FMO4: variants seen among roughly 807,000 people sequenced by gnomAD.
FMO4 encodes flavin containing dimethylaniline monoxygenase 4.
A neutral mutation model predicts 43.3 loss-of-function variants in FMO4; 38 were observed. The ratio of observed to expected loss-of-function variants is 0.88; its 90% confidence interval spans 0.68 to 1.15. The LOEUF is 1.15. FMO4 is among the 50% of genes most tolerant of loss of function. FMO4 has a pLI of 0.00. For synonymous variants in FMO4, 224 were observed against 232.2 expected (o/e 0.96, Z 0.32); for missense variants, 631 against 663.3 (o/e 0.95, Z 0.54).
chr1:171,316,502 G>T (rs1273055436), intron 2 of FMO4, among the ~76,000 whole-genome samples, 175 bp downstream of exon 2: 3 of 152,130 alleles, frequency 2.0e-5, no homozygotes, highest in African/African-American at 7.2e-5. Flanking sequence ...TTTTTAAAAT[G>T]CAAACAATCC....
At chr1:171,335,761 G>A (rs1050462343) in intron 8 of FMO4, among the ~76,000 whole-genome samples, 3 of 152,048 alleles carry the variant, frequency 2.0e-5, no homozygotes, top group African/African-American at 7.2e-5. Flanking sequence ...GGGAAAGAAG[G>A]CAGTTAGAAA....
chr1:171,332,576 C>T (rs1235164473), intron 6 of FMO4, 133 bp from the exon 7 acceptor site: 23 of 660,556 alleles, frequency 3.5e-5, no homozygotes, highest in Non-Finnish European at 5.8e-5. Flanking sequence ...CGTATGTAGA[C>T]CTATGTACAA....
At chr1:171,332,388 A>G (rs943420263) in intron 6 of FMO4, among the ~76,000 whole-genome samples, 17 of 152,208 alleles carry the variant, frequency 1.1e-4, no homozygotes, top group African/African-American at 4.1e-4. Context: ...TTGCTTTTCC[A>G]TACCTTCACT....
intron 3 of FMO4, among the ~76,000 whole-genome samples, chr1:171,322,196 T>C (rs974177068): frequency 6.6e-6 from 1 of 152,074 alleles, no homozygotes; most frequent in Non-Finnish European, 1.5e-5. Flanking sequence ...GTTTTTAAAA[T>C]TAGAGTATTT....
At chr1:171,322,420 G>C (rs1662473495) in intron 3 of FMO4, among the ~76,000 whole-genome samples, 1 of 152,182 alleles carries the variant, frequency 6.6e-6, no homozygotes, top group Non-Finnish European at 1.5e-5. Context: ...GACAATGTTA[G>C]TCTTGGAGAG....
intron 5 of FMO4, among the ~76,000 whole-genome samples, chr1:171,325,789 C>T (rs952230669): frequency 1.6e-5 from 2 of 126,362 alleles, no homozygotes; most frequent in Non-Finnish European, 3.2e-5. Context: ...CTTTATTCCA[C>T]ACTAAATTCA....
At chr1:171,321,420 A>C (rs1662418749) in intron 3 of FMO4, among the ~76,000 whole-genome samples, 1 of 152,168 alleles carries the variant, frequency 6.6e-6, no homozygotes. Flanking sequence ...AGAAAATGGC[A>C]TAATATTTGC....
chr1:171,334,639 C>CAAAG lies in FMO4; in HGVS notation c.1058_1059insAGAA (p.Gln354GlufsTer22). On this transcript the variant is annotated frameshift_variant, in exon 8 of 10. Transcript: ENST00000367749. LOFTEE classifies it high-confidence loss of function. ...TCTGTACAAAGAAGATATTTCTATA[C>CAAAG]AAGCAAGTCTTTCCCTTAAACCTAG... The CAAAG allele has an allele frequency of 6.2e-7, 1 of 1,613,142 alleles. No homozygotes were observed. Among genetic ancestry groups the CAAAG allele is most frequent in the East Asian group, 2.2e-5 (1 of 44,852 alleles).
At chr1:171,314,865 A>G (rs1662131129) in intron 1 of FMO4, among the ~76,000 whole-genome samples, 1 of 152,204 alleles carries the variant, frequency 6.6e-6, no homozygotes, top group Non-Finnish European at 1.5e-5. Context: ...ATGATTTGCA[A>G]ATCACCCAAG....
rs748800692 is a variant in FMO4 at position 171,341,661 on chromosome 1, G to A, written c.1499G>A (p.Arg500Gln). The A allele has an allele frequency of 1.4e-5, 23 of 1,613,748 alleles. No homozygotes were observed. The highest frequency in any genetic ancestry group is 4.5e-5 in the East Asian group (2 of 44,842). The change falls in exon 10 of 10, where the codon CGA becomes CAA. Residue 500 changes from arginine to glutamine, a missense_variant. Transcript: ENST00000367749. Reference protein sequence around the residue: ...WDRTLKPLKTRIVPDSSKPAS... With the variant: ...WDRTLKPLKTQIVPDSSKPAS... ...AGAACATTGAAACCTTTAAAAACTC[G>A]AATTGTCCCTGATTCCTCCAAGCCT...
chr1:171,327,760 CA>C (rs1394835289), intron 5 of FMO4, among the ~76,000 whole-genome samples: 2 of 151,932 alleles, frequency 1.3e-5, no homozygotes, highest in Admixed American at 6.6e-5. Context: ...ACTAAAAATA[CA>C]AAAAATTAGC....
chr1:171,330,048 A>C (rs555923891), intron 5 of FMO4, among the ~76,000 whole-genome samples: 2 of 152,332 alleles, frequency 1.3e-5, no homozygotes, highest in South Asian at 4.1e-4. Flanking sequence ...GCACTATAAG[A>C]TCTCTTATGT....
At chr1:171,326,095 G>C (rs952177189) in intron 5 of FMO4, among the ~76,000 whole-genome samples, 1 of 151,826 alleles carries the variant, frequency 6.6e-6, no homozygotes, top group African/African-American at 2.4e-5. Flanking sequence ...GGATCCACCT[G>C]CTTTGGCCTT....
At chr1:171,315,818 C>T (rs778430795) in intron 1 of FMO4, among the ~76,000 whole-genome samples, 5 of 152,116 alleles carry the variant, frequency 3.3e-5, no homozygotes, top group Non-Finnish European at 5.9e-5. Flanking sequence ...TTTTTAACCC[C>T]ACAGGCCACT....
chr1:171,325,402 A>G (rs1662616755), intron 5 of FMO4, among the ~76,000 whole-genome samples: 1 of 152,220 alleles, frequency 6.6e-6, no homozygotes, highest in African/African-American at 2.4e-5. Flanking sequence ...GCAATTGAAT[A>G]GGTGAGTTTT....
intron 3 of FMO4, among the ~76,000 whole-genome samples, chr1:171,320,574 A>C (rs1662374561): frequency 6.6e-6 from 1 of 152,202 alleles, no homozygotes; most frequent in Admixed American, 6.5e-5. Flanking sequence ...CTTGAGCATC[A>C]GACAGTGGGG....
intron 9 of FMO4, among the ~76,000 whole-genome samples, chr1:171,338,836 CA>C (rs1663229036): frequency 6.6e-6 from 1 of 152,148 alleles, no homozygotes; most frequent in Non-Finnish European, 1.5e-5. Context: ...GGCTTTTTGA[CA>C]GCAAGGACTT....
intron 5 of FMO4, among the ~76,000 whole-genome samples, chr1:171,329,491 C>T (rs1662811410): frequency 6.6e-6 from 1 of 152,152 alleles, no homozygotes; most frequent in Non-Finnish European, 1.5e-5. Context: ...TTCCACAGGG[C>T]CTTCTGGTCC....
intron 1 of FMO4, among the ~76,000 whole-genome samples, chr1:171,315,430 A>C (rs1282285918): frequency 6.6e-6 from 1 of 150,446 alleles, no homozygotes; most frequent in Non-Finnish European, 1.5e-5. Flanking sequence ...TTGAATTCAT[A>C]TCTTTTTTTT....
Sources: allele counts gnomAD v4.1 joint callset (sites outside exome capture counted in the v4.1 genomes callset), GRCh38; gene constraint gnomAD v4.1.1; transcripts MANE v1.5; gene names NCBI Gene and HGNC (gene_info 2026-07-23, HGNC 2026-07-21).